Variants in SMARCD3 observed in about 807,000 individuals in gnomAD.
The protein encoded by SMARCD3 is SWI/SNF related BAF chromatin remodeling complex subunit D3.
SMARCD3 carries 14 observed loss-of-function variants against 58.0 expected under a neutral mutation model. The ratio of observed to expected loss-of-function variants is 0.24; its 90% CI spans 0.16 to 0.38. The LOEUF is 0.38. SMARCD3 is among the 10% of genes least tolerant of loss of function. The pLI is 1.00. For missense variants in SMARCD3, 408 were observed against 636.9 expected (o/e 0.64, Z 3.87); for synonymous variants, 253 against 253.8 (o/e 1.00, Z 0.03).
At chr7:151,265,251 C>T (rs1804045163) in intron 2 of SMARCD3, among the ~76,000 whole-genome samples, 1 of 152,110 alleles carries the variant, frequency 6.6e-6, no homozygotes, top group Non-Finnish European at 1.5e-5. Context: ...GGACTGGTGT[C>T]CTTACAAGAA....
intron 2 of SMARCD3, among the ~76,000 whole-genome samples, chr7:151,260,650 A>G (rs1803887778): frequency 6.6e-6 from 1 of 152,132 alleles, no homozygotes; most frequent in Non-Finnish European, 1.5e-5. Flanking sequence ...TCAGTCGGCT[A>G]TCCTTTGGGA....
At chr7:151,240,552 T>G (rs1395702743) in intron 8 of SMARCD3, 30 bp from the exon 9 acceptor site, 58 of 1,364,938 alleles carry the variant, frequency 4.2e-5, no homozygotes, top group Middle Eastern at 1.8e-4. Context: ...GAGAGAGAGA[T>G]CACTCTTCTT....
intron 2 of SMARCD3, among the ~76,000 whole-genome samples, chr7:151,269,174 G>A (rs1366980560): frequency 6.6e-6 from 1 of 152,218 alleles, no homozygotes; most frequent in Non-Finnish European, 1.5e-5. Flanking sequence ...GGTGAAGGGG[G>A]AGTTAGAAGG....
In SMARCD3 at chr7:151,239,961, G is replaced by T; in HGVS notation, c.1173+151C>A. 1.1e-6 allele frequency: 1 copy of T among 929,536 alleles called. No homozygotes were observed. The highest frequency in any genetic ancestry group is 1.6e-6 in the Non-Finnish European group (1 of 632,566). The allele number at this position is 929,536 out of a possible 1,614,324, so 57.6% of individuals were successfully genotyped here. ...TCCAAGCAGCATGGACGGGCCATGT[G>T]TGTCCCATTGGCCCAGAGTCTGGTC... On this transcript the variant is annotated intron_variant, in intron 10 of 12. Coordinates refer to ENST00000262188, the MANE Select transcript of SMARCD3 (RefSeq NM_001003801.2). The surrounding 1 kb of genome is among the most constrained non-coding windows in gnomAD (Gnocchi z 7.0).
At chr7:151,258,563 TA>T (rs71196743) in intron 2 of SMARCD3, among the ~76,000 whole-genome samples, 2,033 of 116,968 alleles carry the variant, frequency 0.017, 43 homozygotes, top group African/African-American at 0.055. Flanking sequence ...AGACTCTGCC[TA>T]AAAAAAAAAA....
chr7:151,267,988 A>G (rs1795051205), intron 2 of SMARCD3, among the ~76,000 whole-genome samples: 2 of 152,304 alleles, frequency 1.3e-5, no homozygotes, highest in Admixed American at 1.3e-4. Context: ...ATAAATAAAT[A>G]AACAAATAAA....
chr7:151,240,479 C>T lies in SMARCD3; in HGVS notation c.983G>A (p.Arg328His), dbSNP rs754353068. The T allele has an allele frequency of 2.4e-5, 38 of 1,613,684 alleles. No homozygotes were observed. Among genetic ancestry groups the T allele is most frequent in the Admixed American group, 6.7e-5 (4 of 59,984 alleles). ...PRLKFSEIPQRLTALLLPPDP... is the reference protein window; with the variant it reads ...PRLKFSEIPQHLTALLLPPDP... Reference sequence around the variant, plus strand: ...AGGGGGCAATAGCAGGGCTGTGAGGCGCTGGGGAATCTCAGAAAACTTCAG... The same window carrying T: ...AGGGGGCAATAGCAGGGCTGTGAGGTGCTGGGGAATCTCAGAAAACTTCAG... The change falls in exon 9 of 13, where the codon CGC becomes CAC. Residue 328 changes from arginine to histidine, a missense_variant. Coordinates refer to ENST00000262188, the MANE Select transcript of SMARCD3 (RefSeq NM_001003801.2).
At position 151,239,124 on chromosome 7, in the gene SMARCD3, C is replaced by T. The variant is rs762199582; in HGVS notation, c.1431G>A (p.Ser477=). Reference sequence around the variant, plus strand: ...GCTCCTAGGTGTTGCGCACAACCAGCGACTGCTCCAGCTCCTGCCTGCGCT... The same window carrying T: ...GCTCCTAGGTGTTGCGCACAACCAGTGACTGCTCCAGCTCCTGCCTGCGCT... ...IQQRRQELEQ[S]LVVRNT Residue 477 remains serine (S), a synonymous_variant, in exon 13 of 13, where the codon TCG becomes TCA. Coordinates refer to ENST00000262188, the MANE Select transcript of SMARCD3 (RefSeq NM_001003801.2). This position sits in a 1 kb window ranked among gnomAD's most constrained non-coding sequence, Gnocchi z 7.0. The T allele has an allele frequency of 2.3e-5, 37 of 1,614,048 alleles. No homozygotes were observed. Among genetic ancestry groups the T allele is most frequent in the Non-Finnish European group, 3.1e-5 (36 of 1,180,034 alleles).
upstream of SMARCD3, chr7:151,248,696 G>T: frequency 7.2e-7 from 1 of 1,396,382 alleles, no homozygotes; most frequent in Non-Finnish European, 9.4e-7. The surrounding 1 kb of genome is among the most constrained non-coding windows in gnomAD (Gnocchi z 6.1). Context: ...GAGCGGAGTG[G>T]GGAGGGGGCC....
intron 2 of SMARCD3, among the ~76,000 whole-genome samples, chr7:151,259,702 T>C (rs1415616017): frequency 7.0e-6 from 1 of 142,102 alleles, no homozygotes; most frequent in Non-Finnish European, 1.5e-5. Flanking sequence ...CTCTGCCTCC[T>C]GGATTCAAGC....
rs1441349651 is a variant in SMARCD3, at chr7:151,242,747, G to C, written c.430C>G (p.Gln144Glu). The C allele has an allele frequency of 1.2e-6, 2 of 1,613,966 alleles. No individual in the cohort carries two copies. Among genetic ancestry groups the C allele is most frequent in the Non-Finnish European group, 1.7e-6 (2 of 1,180,008 alleles). The stretch of plus-strand genomic sequence containing the variant: ...TTCATGGGCCTCTTCAGAGCCTCCT[G>C]GATGTCCACCCGCTTCCGCATGATG... ...QTIMRKRVDIQEALKRPMKQK... is the reference protein window; with the variant it reads ...QTIMRKRVDIEEALKRPMKQK... Residue 144 changes from glutamine (Q) to glutamate (E), a missense_variant, in exon 4 of 13, where the codon CAG becomes GAG. Gln to Glu is a conservative substitution (Grantham distance 29, BLOSUM62 2). Transcript: ENST00000262188. This position sits in a 1 kb window ranked among gnomAD's most constrained non-coding sequence, Gnocchi z 4.7.
At chr7:151,263,911 A>C (rs1004786697) in intron 2 of SMARCD3, among the ~76,000 whole-genome samples, 9 of 152,064 alleles carry the variant, frequency 5.9e-5, no homozygotes, top group Non-Finnish European at 1.2e-4. Context: ...GGGTGACTCC[A>C]CCTTGTGGGT....
Position 151,275,260 on chromosome 7 carries a change from A to C in SMARCD3, c.-99-9T>G, listed in dbSNP as rs1795306092. 1.3e-5 allele frequency: 12 copies of C among 956,168 alleles called. No individual in the cohort carries two copies. In the East Asian group the frequency reaches 3.0e-4, roughly 24 times the overall value. 59.2% of individuals were successfully genotyped at this position (956,168 alleles called of 1,614,324 possible). On this transcript the variant is annotated splice_polypyrimidine_tract_variant and intron_variant, in intron 1 of 13. Coordinates refer to the SMARCD3 transcript ENST00000356800. ...AGGGCCATTCTGAGGATCTGAAAGG[A>C]GAGGTCAGACCCTGAGCCCCAGCGT... is the stretch of plus-strand genomic sequence containing the variant.
chr7:151,269,986 G>C (rs1054829207), intron 2 of SMARCD3, among the ~76,000 whole-genome samples: 3 of 152,160 alleles, frequency 2.0e-5, no homozygotes, highest in African/African-American at 7.2e-5. Flanking sequence ...GATCTTCAGC[G>C]CTCCCCAGGG....
rs770280137 is a variant in SMARCD3, at chr7:151,243,649, A to G, written c.333+10T>C. On this transcript the variant is annotated intron_variant, in intron 3 of 12. Coordinates refer to ENST00000262188, the MANE Select transcript of SMARCD3 (RefSeq NM_001003801.2). This position sits in a 1 kb window ranked among gnomAD's most constrained non-coding sequence, Gnocchi z 4.4. ...GGGGTGGGCTGGGGGCTGCTGTGAA[A>G]GGCACTCACCCTTTGAGGGAGGATT... 2 of 1,580,528 alleles carry G rather than the reference A, an allele frequency of 1.3e-6. No homozygotes were observed. The highest frequency in any genetic ancestry group is 1.1e-5 in the South Asian group (1 of 90,438).
intron 2 of SMARCD3, among the ~76,000 whole-genome samples, chr7:151,266,380 T>C (rs999106840): frequency 6.6e-6 from 1 of 152,216 alleles, no homozygotes; most frequent in African/African-American, 2.4e-5. Context: ...AATATTCATC[T>C]TCTAAGAATT....
intron 2 of SMARCD3, among the ~76,000 whole-genome samples, chr7:151,271,771 T>A (rs1004112580): frequency 1.3e-5 from 2 of 151,990 alleles, no homozygotes; most frequent in Non-Finnish European, 2.9e-5. Context: ...GGAAATATAG[T>A]GAGACCTCAT....
upstream of SMARCD3, among the ~76,000 whole-genome samples, chr7:151,250,333 C>A (rs998546097): frequency 1.3e-5 from 2 of 151,936 alleles, no homozygotes; most frequent in Non-Finnish European, 2.9e-5. Flanking sequence ...AGACTACCCC[C>A]CACACACCCC....
chr7:151,248,777 G>GCCCGCCGCC, upstream of SMARCD3: 3 of 843,146 alleles, frequency 3.6e-6, no homozygotes, highest in Non-Finnish European at 4.4e-6. This position sits in a 1 kb window ranked among gnomAD's most constrained non-coding sequence, Gnocchi z 6.1. Context: ...CCGCCGCCGC[G>GCCCGCCGCC]GCTGCCGCAT....
Sources: allele counts gnomAD v4.1 joint callset (sites outside exome capture counted in the v4.1 genomes callset), GRCh38; gene constraint gnomAD v4.1.1; non-coding constraint Gnocchi (gnomAD v3.1); transcripts MANE v1.5; gene names NCBI Gene and HGNC (gene_info 2026-07-23, HGNC 2026-07-21).